Variants in DOCK2 observed in about 807,000 individuals in gnomAD.
DOCK2 encodes the protein dedicator of cytokinesis 2, also known as dedicator of cytokinesis protein 2.
DOCK2 carries 87 observed loss-of-function variants against 248.9 expected under a neutral mutation model. That is an observed-to-expected ratio of 0.35 (90% CI 0.29 to 0.42). The LOEUF (loss-of-function observed/expected upper bound fraction) is 0.42. Ranked by LOEUF, DOCK2 falls within the 10% of genes least tolerant of loss-of-function variation. The probability of loss-of-function intolerance (pLI) is 1.00; values close to 1 mark genes in which losing one functional copy is unlikely to be tolerated. For synonymous variants in DOCK2, 805 were observed against 821.6 expected, an observed-to-expected ratio of 0.98 and a Z score of 0.35; for missense variants, 1,747 against 2,300.2, an observed-to-expected ratio of 0.76 and a Z score of 4.92.
At chr5:169,959,172 C>G (rs568230113) in intron 27 of DOCK2, among the ~76,000 whole-genome samples, 1 of 152,168 alleles carries the variant, frequency 6.6e-6, no homozygotes, top group East Asian at 1.9e-4. Flanking sequence ...GGGGGCGGAT[C>G]ATGAGGTCAG....
intron 26 of DOCK2, among the ~76,000 whole-genome samples, chr5:169,838,704 G>C (rs1275447141): frequency 6.6e-6 from 1 of 152,176 alleles, no homozygotes; most frequent in Non-Finnish European, 1.5e-5. Flanking sequence ...GGCTGCGCTT[G>C]ATGAAGCAGG....
In DOCK2 at chr5:170,042,046, C is replaced by T. The variant is rs1331299409; in HGVS notation, c.3790C>T (p.Gln1264Ter). Residue 1264 changes from glutamine to a stop codon, truncating the protein, a stop_gained, in exon 38 of 52, where the codon CAG becomes TAG. Coordinates refer to ENST00000520908, the MANE Select transcript of DOCK2 (RefSeq NM_004946.3). LOFTEE classifies it high-confidence loss of function. ...TGAGCAGTGTGCATCACAGGTCATG[C>T]AGACAGGCCAGCAGCACCCCCAGAC... ...SDEQCASQVM[Q>*]TGQQHPQTHR... 1 of 1,613,538 alleles carries T rather than the reference C, an allele frequency of 6.2e-7. No homozygotes were observed. The highest frequency in any genetic ancestry group is 8.5e-7 in the Non-Finnish European group (1 of 1,179,782).
At position 169,923,299 on chromosome 5, in the gene DOCK2, C is replaced by A. The variant is rs1211530031; in HGVS notation, c.2800-59769C>A. On this transcript the variant is annotated intron_variant, in intron 27 of 51. Coordinates refer to ENST00000520908, the MANE Select transcript of DOCK2 (RefSeq NM_004946.3). ...TTATATGAATGGTTTTTACTTTTTT[C>A]TTTGTACTTTCATATATTTCCTAAA... is the stretch of plus-strand genomic sequence containing the variant. 2.0e-5 allele frequency among the ~76,000 whole-genome samples: 3 copies of A among 152,118 alleles called. No individual in the cohort carries two copies. The East Asian group carries it at 5.8e-4, about 29-fold the overall frequency.
intron 27 of DOCK2, among the ~76,000 whole-genome samples, chr5:169,930,503 T>G (rs1245924031): frequency 6.6e-6 from 1 of 152,024 alleles, no homozygotes; most frequent in Non-Finnish European, 1.5e-5. Context: ...GGTAAATGAG[T>G]AAAAATCTGC....
chr5:169,953,536 CT>C (rs1776750913), intron 27 of DOCK2, among the ~76,000 whole-genome samples: 1 of 152,134 alleles, frequency 6.6e-6, no homozygotes, highest in Non-Finnish European at 1.5e-5. Flanking sequence ...GCTGATGGAG[CT>C]GTCAATAACA....
chr5:169,771,080 T>A (rs1765059921), intron 25 of DOCK2, among the ~76,000 whole-genome samples: 1 of 152,238 alleles, frequency 6.6e-6, no homozygotes, highest in Non-Finnish European at 1.5e-5. Context: ...AATGCCGAAG[T>A]GGACCTGTGT....
chr5:169,900,944 C>A (rs1018868393), intron 27 of DOCK2, among the ~76,000 whole-genome samples: 4 of 152,016 alleles, frequency 2.6e-5, no homozygotes, highest in African/African-American at 9.7e-5. Context: ...AACTGGTGTA[C>A]CAAACAGCCA....
chr5:169,738,586 A>G (rs1763159231), intron 22 of DOCK2, among the ~76,000 whole-genome samples: 1 of 152,212 alleles, frequency 6.6e-6, no homozygotes, highest in South Asian at 2.1e-4. Flanking sequence ...GTTTTGGACA[A>G]TACATGTTCT....
chr5:170,037,111 T>C (rs1756348682), intron 36 of DOCK2, among the ~76,000 whole-genome samples: 1 of 152,028 alleles, frequency 6.6e-6, no homozygotes, highest in African/African-American at 2.4e-5. Flanking sequence ...TATTGTTACT[T>C]TTATTTATAA....
intron 46 of DOCK2, among the ~76,000 whole-genome samples, chr5:170,071,066 C>T (rs1027900261): frequency 6.6e-6 from 1 of 152,192 alleles, no homozygotes; most frequent in Non-Finnish European, 1.5e-5. Context: ...AACCCCCAAA[C>T]GAGGTTGACC....
intron 25 of DOCK2, among the ~76,000 whole-genome samples, chr5:169,770,646 T>C (rs1050609901): frequency 1.3e-5 from 2 of 152,180 alleles, no homozygotes; most frequent in Non-Finnish European, 2.9e-5. Context: ...TTTCATGCAG[T>C]TGTATTGCAT....
At chr5:169,804,626 C>T (rs143898959) in intron 26 of DOCK2, among the ~76,000 whole-genome samples, 5 of 152,290 alleles carry the variant, frequency 3.3e-5, no homozygotes, top group Admixed American at 2.0e-4. Flanking sequence ...ATGCAATCTG[C>T]GCATTCTCTC....
chr5:169,856,364 C>A (rs545434622), intron 27 of DOCK2, among the ~76,000 whole-genome samples: 5 of 152,270 alleles, frequency 3.3e-5, no homozygotes, highest in African/African-American at 1.2e-4. Flanking sequence ...GTGTCCTTGG[C>A]ACCTCACCTG....
rs980502492 is a variant in DOCK2, at chr5:169,671,089, A to G, written c.236A>G (p.Asn79Ser). 9.9e-6 allele frequency: 16 copies of G among 1,613,864 alleles called. No individual in the cohort carries two copies. Among genetic ancestry groups the G allele is most frequent in the Middle Eastern group, 3.3e-4 (2 of 6,082 alleles). ...CCCACCTTAAATAGAAATACTGAGA[A>G]CATCATTCCTGCAGAAATTCCTCTG... The part of the protein sequence containing the change: ...VTVEKRRNTE[N>S]IIPAEIPLAQ... The change falls in exon 5 of 52, where the codon AAC becomes AGC. Residue 79 changes from asparagine (N) to serine (S), a missense_variant. This residue lies in a region of DOCK2 where 375 missense variants were observed against 510.9 expected (regional missense o/e 0.73). Coordinates refer to ENST00000520908, the MANE Select transcript of DOCK2 (RefSeq NM_004946.3).
intron 26 of DOCK2, among the ~76,000 whole-genome samples, chr5:169,827,739 G>A (rs1768956862): frequency 6.6e-6 from 1 of 152,214 alleles, no homozygotes; most frequent in South Asian, 2.1e-4. Flanking sequence ...GTGGATCTGG[G>A]AGATTTAGTG....
At chr5:169,887,035 C>T (rs1773013574) in intron 27 of DOCK2, among the ~76,000 whole-genome samples, 1 of 152,176 alleles carries the variant, frequency 6.6e-6, no homozygotes, top group South Asian at 2.1e-4. Flanking sequence ...TATATTTATA[C>T]CAAGTTATTC....
At chr5:169,842,380 CAG>C (rs1347269242) in intron 27 of DOCK2, among the ~76,000 whole-genome samples, 1 of 152,088 alleles carries the variant, frequency 6.6e-6, no homozygotes, top group Admixed American at 6.5e-5. Flanking sequence ...GTTTGAGAGA[CAG>C]AGTCTCACTC....
chr5:169,925,495 G>A (rs921753544), intron 27 of DOCK2, among the ~76,000 whole-genome samples: 7 of 147,612 alleles, frequency 4.7e-5, no homozygotes, highest in East Asian at 4.1e-4. Context: ...CAGAAGAATC[G>A]CTTGAACCCA....
intron 6 of DOCK2, 36 bp downstream of exon 6, chr5:169,674,481 C>T (rs768272691): frequency 6.2e-7 from 1 of 1,608,714 alleles, no homozygotes; most frequent in Admixed American, 1.7e-5. Flanking sequence ...GGTTTTCTTC[C>T]CCCAGCCATC....
Sources: allele counts gnomAD v4.1 joint callset (sites outside exome capture counted in the v4.1 genomes callset), GRCh38; gene constraint gnomAD v4.1.1; regional missense constraint gnomAD v4.1.1; transcripts MANE v1.5; gene names NCBI Gene and HGNC (gene_info 2026-07-23, HGNC 2026-07-21).